The following TPX2 variants were observed in gnomAD, a reference collection of about 807,000 sequenced individuals.
TPX2 encodes the protein TPX2 microtubule nucleation factor.
In TPX2, 21 loss-of-function variants were observed where a neutral mutation model predicts 93.6. That is an observed-to-expected ratio of 0.22 (90% CI 0.16 to 0.32). The LOEUF is 0.32. TPX2 is among the 10% of genes least tolerant of loss of function. The pLI is 1.00. For synonymous variants in TPX2, 281 were observed against 298.3 expected (o/e 0.94, Z 0.60); for missense variants, 776 against 871.1 (o/e 0.89, Z 1.37).
At chr20:31,744,287 C>G (rs979678201) in intron 2 of TPX2, among the ~76,000 whole-genome samples, 2 of 151,086 alleles carry the variant, frequency 1.3e-5, no homozygotes. Context: ...CTCAGCCTCC[C>G]GAGTAGCTGG....
At chr20:31,762,285 A>G (rs1000459144) in intron 4 of TPX2, among the ~76,000 whole-genome samples, 2 of 152,142 alleles carry the variant, frequency 1.3e-5, no homozygotes, top group African/African-American at 2.4e-5. Flanking sequence ...TTTTGAGGTC[A>G]TGTTCATAGG....
At chr20:31,768,016 C>T (rs2061939565) in intron 5 of TPX2, among the ~76,000 whole-genome samples, 1 of 151,740 alleles carries the variant, frequency 6.6e-6, no homozygotes, top group African/African-American at 2.4e-5. Context: ...ACTGCAGCCT[C>T]GACCTCTCAG....
intron 7 of TPX2, among the ~76,000 whole-genome samples, chr20:31,773,973 G>C (rs889528661): frequency 1.3e-5 from 2 of 151,890 alleles, no homozygotes; most frequent in African/African-American, 4.8e-5. Context: ...CCGTGTTCAA[G>C]TGATTCTCCT....
intron 10 of TPX2, among the ~76,000 whole-genome samples, chr20:31,780,149 G>A (rs774102622): frequency 6.6e-6 from 1 of 152,034 alleles, no homozygotes; most frequent in African/African-American, 2.4e-5. Flanking sequence ...CCTCTTGGGT[G>A]CAAGAGATTC....
At chr20:31,746,300 A>G (rs1426650657) in intron 2 of TPX2, among the ~76,000 whole-genome samples, 1 of 152,204 alleles carries the variant, frequency 6.6e-6, no homozygotes, top group Non-Finnish European at 1.5e-5. Flanking sequence ...TTATGTTGCC[A>G]TTTACTGACT....
intron 4 of TPX2, 61 bp from the exon 5 acceptor site, chr20:31,766,495 G>GTC: frequency 7.0e-7 from 1 of 1,429,738 alleles, no homozygotes; most frequent in Non-Finnish European, 9.6e-7. Flanking sequence ...GTGTGTGTGT[G>GTC]TCTCATCTCC....
intron 5 of TPX2, 65 bp from the exon 6 acceptor site, chr20:31,770,278 C>G (rs2123024019): frequency 1.7e-6 from 2 of 1,158,208 alleles, no homozygotes; most frequent in South Asian, 2.9e-5. Flanking sequence ...TCACATTTCT[C>G]AGGAACATTT....
chr20:31,780,961 C>G (rs1486201742), intron 10 of TPX2: 1 of 407,952 alleles, frequency 2.5e-6, no homozygotes, highest in Non-Finnish European at 4.8e-6. Flanking sequence ...GCTCCGTCAC[C>G]CAGGCTGGAG....
chr20:31,742,066 G>A (rs1270844349), intron 1 of TPX2, among the ~76,000 whole-genome samples: 1 of 152,068 alleles, frequency 6.6e-6, no homozygotes, highest in East Asian at 1.9e-4. Context: ...CTTGGTAAAA[G>A]GGGAATAAAG....
intron 7 of TPX2, among the ~76,000 whole-genome samples, chr20:31,773,694 G>A (rs562123250): frequency 2.6e-5 from 4 of 151,900 alleles, no homozygotes; most frequent in Admixed American, 2.6e-4. Flanking sequence ...CATATAGATG[G>A]CATGAAATTA....
At chr20:31,761,363 G>A (rs555364505) in intron 4 of TPX2, among the ~76,000 whole-genome samples, 9 of 151,880 alleles carry the variant, frequency 5.9e-5, no homozygotes, top group Non-Finnish European at 8.8e-5. Flanking sequence ...CAGCATGCCC[G>A]GCTAATTTTT....
chr20:31,775,760 A>T, intron 7 of TPX2, 107 bp from the exon 8 acceptor site: 1 of 1,202,350 alleles, frequency 8.3e-7, no homozygotes, highest in South Asian at 3.3e-5. Flanking sequence ...GGTTTTGATG[A>T]TTATCTTATC....
At chr20:31,755,246 C>A (rs1035262155) in intron 2 of TPX2, among the ~76,000 whole-genome samples, 2 of 151,910 alleles carry the variant, frequency 1.3e-5, no homozygotes, top group East Asian at 1.9e-4. Flanking sequence ...CCGTGCCCGG[C>A]CGCTTTTTTG....
chr20:31,783,936 A>G lies in TPX2; in HGVS notation c.1413+15A>G, dbSNP rs1223344986. The G allele has an allele frequency of 1.9e-6, 3 of 1,613,076 alleles. No individual in the cohort carries two copies. Among genetic ancestry groups the G allele is most frequent in the East Asian group, 2.2e-5 (1 of 44,878 alleles). On this transcript the variant is annotated intron_variant, in intron 12 of 17. Transcript: ENST00000300403. Reference sequence around the variant, plus strand: ...AAGATGTTGTGGTAAGGTTGAGGCTATGTGTGCTGGCAGAAGTGTACTGCT... The same window carrying G: ...AAGATGTTGTGGTAAGGTTGAGGCTGTGTGTGCTGGCAGAAGTGTACTGCT...
intron 4 of TPX2, 37 bp downstream of exon 4, chr20:31,760,216 A>C: frequency 1.2e-6 from 2 of 1,610,726 alleles, no homozygotes; most frequent in Non-Finnish European, 1.7e-6. Context: ...CCTTGATAGA[A>C]TGGTGGGACA....
Position 31,771,658 on chromosome 20 carries a change from C to A in TPX2, c.584C>A (p.Thr195Asn). The A allele has an allele frequency of 6.2e-7, 1 of 1,611,554 alleles. No homozygotes were observed. Residue 195 changes from threonine (T) to asparagine (N), a missense_variant, in exon 7 of 18, where the codon ACT becomes AAT. Coordinates refer to ENST00000300403, the MANE Select transcript of TPX2 (RefSeq NM_012112.5). ...CCAGAGAAAGCCAAGGGTAGACATA[C>A]TGTGCCTTGTATGCCACCTGCAAAG... Reference protein sequence around the residue: ...SSPEKAKGRHTVPCMPPAKQK... With the variant: ...SSPEKAKGRHNVPCMPPAKQK...
chr20:31,755,050 G>A (rs531933450), intron 2 of TPX2, among the ~76,000 whole-genome samples: 1 of 152,170 alleles, frequency 6.6e-6, no homozygotes, highest in Non-Finnish European at 1.5e-5. Flanking sequence ...CTGCGTTCAA[G>A]GGATTCTTAT....
chr20:31,778,765 G>T, intron 9 of TPX2, 48 bp from the exon 10 acceptor site: 1 of 1,493,084 alleles, frequency 6.7e-7, no homozygotes, highest in Non-Finnish European at 8.9e-7. Flanking sequence ...TGGTAGATGT[G>T]AGCTCTTCCG....
intron 2 of TPX2, among the ~76,000 whole-genome samples, chr20:31,751,321 T>TC (rs2061818147): frequency 6.6e-6 from 1 of 152,124 alleles, no homozygotes; most frequent in Non-Finnish European, 1.5e-5. Context: ...GTCGTCTTCA[T>TC]TACATTCATG....
Sources: gnomAD v4.1 joint callset for allele counts (sites outside exome capture counted in the v4.1 genomes callset) on GRCh38, gnomAD v4.1.1 for gene constraint, MANE v1.5 for transcripts, NCBI Gene and HGNC (gene_info 2026-07-23, HGNC 2026-07-21) for gene names.